Variants in CES5A observed in about 807,000 individuals in gnomAD.
The protein encoded by CES5A is carboxylesterase 5.
In CES5A, 67 loss-of-function variants were observed where a neutral mutation model predicts 62.9. The ratio of observed to expected loss-of-function variants is 1.07; its 90% CI spans 0.88 to 1.31. CES5A has a LOEUF of 1.31. Ranked by LOEUF, CES5A falls within the 50% of genes most tolerant of loss-of-function variation. The probability of loss-of-function intolerance (pLI) is 0.00; values close to 1 mark genes in which losing one functional copy is unlikely to be tolerated. For missense variants in CES5A, 748 were observed against 708.5 expected (o/e 1.06, Z -0.63); for synonymous variants, 296 against 280.8 (o/e 1.05, Z -0.54).
At chr16:55,849,028 A>G (rs1311990635) in intron 11 of CES5A, among the ~76,000 whole-genome samples, 3 of 152,188 alleles carry the variant, frequency 2.0e-5, no homozygotes, top group African/African-American at 7.2e-5. Flanking sequence ...TGCATTGTGT[A>G]ATGTTTCTAA....
At chr16:55,937,198 C>G (rs951107223) in intron 2 of CES5A, among the ~76,000 whole-genome samples, 2 of 152,196 alleles carry the variant, frequency 1.3e-5, no homozygotes, top group Non-Finnish European at 1.5e-5. Context: ...TTCTCTAACC[C>G]CTTCCCCCAG....
Position 55,918,728 on chromosome 16 carries a change from G to C in CES5A, c.-256+6595C>G, listed in dbSNP as rs141363187. On this transcript the variant is annotated intron_variant, in intron 1 of 12. Transcript: ENST00000518005. ...AGGGGATCTGAAACCACTTCTGCCT[G>C]ACTTCTAACACATTCTCTCCATCAC... is the stretch of plus-strand genomic sequence containing the variant. Among the ~76,000 whole-genome samples the C allele has an allele frequency of 1.7e-3, 264 of 152,278 alleles. 3 individuals carry two copies. The highest frequency in any genetic ancestry group is 6.1e-3 in the African/African-American group (252 of 41,562).
intron 1 of CES5A, among the ~76,000 whole-genome samples, chr16:55,905,133 G>A (rs1434056094): frequency 2.0e-5 from 3 of 152,122 alleles, no homozygotes; most frequent in Non-Finnish European, 2.9e-5. Context: ...CAGCAGCCCA[G>A]GGCAAGAAGT....
At chr16:55,873,286 C>T (rs1200993115) in intron 2 of CES5A, among the ~76,000 whole-genome samples, 4 of 152,158 alleles carry the variant, frequency 2.6e-5, no homozygotes, top group Non-Finnish European at 5.9e-5. Flanking sequence ...GTCACAGAGA[C>T]ACATCCACAT....
intron 8 of CES5A, among the ~76,000 whole-genome samples, chr16:55,859,159 C>T (rs2033303026): frequency 1.3e-5 from 2 of 152,216 alleles, no homozygotes; most frequent in Admixed American, 1.3e-4. Context: ...ATGCCAGAAC[C>T]AAGGCTGGAT....
intron 1 of CES5A, among the ~76,000 whole-genome samples, chr16:55,895,066 C>T (rs954342968): frequency 6.6e-6 from 1 of 152,236 alleles, no homozygotes; most frequent in African/African-American, 2.4e-5. Flanking sequence ...TAAGCTCTCA[C>T]ATCTGGCTGA....
chr16:55,873,783 C>T, intron 2 of CES5A, 50 bp downstream of exon 2: 1 of 1,517,976 alleles, frequency 6.6e-7, no homozygotes, highest in Non-Finnish European at 9.0e-7. Flanking sequence ...ACCTGAATTC[C>T]TGCCACTCCC....
At position 55,866,210 on chromosome 16, in the gene CES5A, A is replaced by G. The variant is rs532321914; in HGVS notation, c.552-94T>C. On this transcript the variant is annotated intron_variant, in intron 4 of 12. Coordinates refer to ENST00000290567, the MANE Select transcript of CES5A (RefSeq NM_001143685.2). ...TCAGCAGAGGCTGTGGGCAGGGGTCAGTGGGGAGGGGGCGGAGAGTCAGAG... is the reference window on the plus strand; with the variant it reads ...TCAGCAGAGGCTGTGGGCAGGGGTCGGTGGGGAGGGGGCGGAGAGTCAGAG... 5,700 of 1,271,366 alleles carry G rather than the reference A, an allele frequency of 4.5e-3. 10 individuals carry two copies. Among genetic ancestry groups the G allele is most frequent in the Middle Eastern group, 0.012 (42 of 3,596 alleles). 78.8% of individuals were successfully genotyped at this position (1,271,366 alleles called of 1,614,324 possible).
chr16:55,917,891 C>G (rs1334141955), intron 1 of CES5A, among the ~76,000 whole-genome samples: 1 of 152,116 alleles, frequency 6.6e-6, no homozygotes, highest in Admixed American at 6.5e-5. Context: ...CAAGTTTTTC[C>G]TATCTTAAGA....
intron 4 of CES5A, among the ~76,000 whole-genome samples, chr16:55,866,837 CA>C (rs1195320478): frequency 8.0e-5 from 12 of 150,790 alleles, no homozygotes; most frequent in African/African-American, 2.9e-4. Context: ...GGCTCTGTCT[CA>C]AAAAAAATAA....
chr16:55,893,049 T>C (rs1404748596), intron 1 of CES5A, among the ~76,000 whole-genome samples: 2 of 152,194 alleles, frequency 1.3e-5, no homozygotes, highest in East Asian at 3.8e-4. Flanking sequence ...TTCTGGTCCC[T>C]GCCTGCCAAT....
chr16:55,907,364 A>C (rs2034049045), intron 1 of CES5A, among the ~76,000 whole-genome samples: 1 of 152,240 alleles, frequency 6.6e-6, no homozygotes, highest in South Asian at 2.1e-4. Flanking sequence ...AAAGGGAAAT[A>C]GACTTCCACG....
chr16:55,940,568 G>C (rs1452761129), intron 2 of CES5A, among the ~76,000 whole-genome samples: 1 of 151,792 alleles, frequency 6.6e-6, no homozygotes, highest in African/African-American at 2.4e-5. Flanking sequence ...TTCCAGGCCT[G>C]ATACCTTTAC....
chr16:55,846,973 C>T, intron 11 of CES5A, 133 bp from the exon 12 acceptor site: 1 of 765,732 alleles, frequency 1.3e-6, no homozygotes. Flanking sequence ...TCACTGTACC[C>T]ATTTTATACA....
chr16:55,886,662 ACT>A (rs1406003165), intron 1 of CES5A, among the ~76,000 whole-genome samples: 1 of 152,040 alleles, frequency 6.6e-6, no homozygotes, highest in Non-Finnish European at 1.5e-5. Flanking sequence ...TGGGAATCAA[ACT>A]CTCTTTGGTA....
intron 2 of CES5A, 126 bp from the exon 3 acceptor site, chr16:55,871,889 G>C (rs766399380): frequency 1.1e-6 from 1 of 938,668 alleles, no homozygotes; most frequent in South Asian, 1.6e-5. Flanking sequence ...GGCAGCTACC[G>C]GTACAAAGTC....
At chr16:55,944,652 GCGCATTTCAA>G (rs1362302453) in intron 2 of CES5A, among the ~76,000 whole-genome samples, 8 of 152,166 alleles carry the variant, frequency 5.3e-5, no homozygotes, top group Non-Finnish European at 1.2e-4. Context: ...CCAGGCTCTT[GCGCATTTCAA>G]CGCTAACTGT....
At chr16:55,901,506 CACA>C (rs1342561234) in intron 1 of CES5A, among the ~76,000 whole-genome samples, 1 of 152,200 alleles carries the variant, frequency 6.6e-6, no homozygotes, top group African/African-American at 2.4e-5. Context: ...GCAAAAAATA[CACA>C]AGGCTGCCCA....
exon 2 of CES5A, chr16:55,949,880 A>C: frequency 6.6e-7 from 1 of 1,514,656 alleles, no homozygotes; most frequent in Non-Finnish European, 8.8e-7. Flanking sequence ...CAATCTCCAC[A>C]TTCCCCTTCT....
Sources: gnomAD v4.1 joint callset for allele counts (sites outside exome capture counted in the v4.1 genomes callset) on GRCh38, gnomAD v4.1.1 for gene constraint, MANE v1.5 for transcripts, NCBI Gene and HGNC (gene_info 2026-07-23, HGNC 2026-07-21) for gene names.